PRKG1: variants seen among roughly 807,000 people sequenced by gnomAD.
PRKG1 encodes cGMP-dependent protein kinase 1.
In PRKG1, 35 loss-of-function variants were observed where a neutral mutation model predicts 88.1. That is an observed-to-expected ratio of 0.40 (90% confidence interval 0.30 to 0.53). The LOEUF (loss-of-function observed/expected upper bound fraction) is 0.53, where lower values mean the gene tolerates loss of function less well. PRKG1 is among the 20% of genes least tolerant of loss of function. The pLI is 0.59. For synonymous variants in PRKG1, 303 were observed against 292.5 expected (o/e 1.04, Z -0.37); for missense variants, 540 against 839.8 (o/e 0.64, Z 4.41).
At chr10:51,396,616 T>G (rs1588913834) in intron 2 of PRKG1, among the ~76,000 whole-genome samples, 2 of 152,244 alleles carry the variant, frequency 1.3e-5, no homozygotes, top group East Asian at 3.8e-4. Context: ...GAATCCAGGC[T>G]TGACCACAGT....
At chr10:51,795,534 C>G (rs948596794) in intron 3 of PRKG1, among the ~76,000 whole-genome samples, 2 of 152,116 alleles carry the variant, frequency 1.3e-5, no homozygotes, top group Admixed American at 6.6e-5. Flanking sequence ...TCAGAACATT[C>G]CGGCAGTTAG....
intron 8 of PRKG1, among the ~76,000 whole-genome samples, chr10:52,135,421 G>T (rs1340866260): frequency 6.6e-6 from 1 of 152,052 alleles, no homozygotes; most frequent in African/African-American, 2.4e-5. Context: ...GCAGCAAAAA[G>T]TTATCACTAT....
At chr10:51,691,040 AT>A (rs2074246207) in intron 3 of PRKG1, among the ~76,000 whole-genome samples, 1 of 149,388 alleles carries the variant, frequency 6.7e-6, no homozygotes, top group Admixed American at 6.7e-5. Context: ...TATATATCAT[AT>A]TTTATAAATA....
intron 3 of PRKG1, chr10:51,697,525 A>T: frequency 1.5e-6 from 1 of 660,954 alleles, no homozygotes; most frequent in Non-Finnish European, 2.5e-6. Context: ...CCCCACCCTC[A>T]ATTAAAAAAA....
intron 2 of PRKG1, among the ~76,000 whole-genome samples, chr10:51,208,963 CT>C (rs1413731925): frequency 6.6e-6 from 1 of 152,118 alleles, no homozygotes; most frequent in Non-Finnish European, 1.5e-5. Context: ...CATTTTGTGA[CT>C]TATAAACACT....
At chr10:51,847,944 A>G (rs543215770) in intron 4 of PRKG1, among the ~76,000 whole-genome samples, 4 of 151,134 alleles carry the variant, frequency 2.6e-5, no homozygotes, top group African/African-American at 9.7e-5. Flanking sequence ...TATACATTAA[A>G]TATACTGTTC....
At chr10:51,784,415 C>A (rs1291983379) in intron 3 of PRKG1, among the ~76,000 whole-genome samples, 2 of 152,024 alleles carry the variant, frequency 1.3e-5, no homozygotes, top group Non-Finnish European at 2.9e-5. Context: ...TGTTCTTAAA[C>A]CAGAAGCATA....
intron 3 of PRKG1, among the ~76,000 whole-genome samples, chr10:51,767,605 A>G (rs907908884): frequency 6.6e-6 from 1 of 151,954 alleles, no homozygotes; most frequent in Non-Finnish European, 1.5e-5. Context: ...CATCCACATT[A>G]TGTAATTTCT....
chr10:51,577,734 T>C (rs935375547), intron 3 of PRKG1, among the ~76,000 whole-genome samples: 6 of 152,024 alleles, frequency 3.9e-5, no homozygotes, highest in Non-Finnish European at 7.4e-5. Context: ...TCTTGGAGTT[T>C]TGTTTTGGTT....
At chr10:51,110,144 T>C (rs1264624609) in intron 1 of PRKG1, among the ~76,000 whole-genome samples, 1 of 152,092 alleles carries the variant, frequency 6.6e-6, no homozygotes, top group African/African-American at 2.4e-5. Context: ...CAGTTTCTTT[T>C]TTTAAAAAAA....
At chr10:51,662,009 T>A (rs1218890775) in intron 3 of PRKG1, among the ~76,000 whole-genome samples, 1 of 151,966 alleles carries the variant, frequency 6.6e-6, no homozygotes, top group African/African-American at 2.4e-5. Context: ...TTCTCACTCA[T>A]AGGTGGGAAT....
In PRKG1 at chr10:51,654,073, C is replaced by T. The variant is rs1350358761; in HGVS notation, c.593-150512C>T. Among the ~76,000 whole-genome samples, 14 of 151,194 alleles carry T rather than the reference C, an allele frequency of 9.3e-5. No individual in the cohort carries two copies. In the East Asian group the frequency reaches 2.1e-3, roughly 23 times the overall value. On this transcript the variant is annotated intron_variant, in intron 3 of 17. Coordinates refer to ENST00000373980, the MANE Select transcript of PRKG1 (RefSeq NM_006258.4). ...TTTTGTTTTTGTTTCCTCTGCTTTT[C>T]GGGTCATATTAAAAAAAAATCACTG...
intron 1 of PRKG1, among the ~76,000 whole-genome samples, chr10:51,060,493 G>T (rs1158157746): frequency 6.6e-6 from 1 of 152,046 alleles, no homozygotes; most frequent in African/African-American, 2.4e-5. Context: ...ACTCTAGAGA[G>T]TACAACATGT....
chr10:52,023,379 T>C (rs2133195590), intron 5 of PRKG1, among the ~76,000 whole-genome samples: 1 of 152,350 alleles, frequency 6.6e-6, no homozygotes, highest in East Asian at 1.9e-4. Flanking sequence ...CAAACATACA[T>C]GTGCATTTGT....
At chr10:51,714,747 G>A (rs950575128) in intron 3 of PRKG1, among the ~76,000 whole-genome samples, 2 of 152,190 alleles carry the variant, frequency 1.3e-5, no homozygotes, top group Non-Finnish European at 2.9e-5. Context: ...GTTTTGAAAG[G>A]TTGGAAGGTA....
intron 5 of PRKG1, among the ~76,000 whole-genome samples, chr10:52,001,444 C>T (rs903854613): frequency 2.0e-5 from 3 of 151,692 alleles, no homozygotes; most frequent in Non-Finnish European, 2.9e-5. Context: ...TATATACCTA[C>T]ATCCAAACAT....
intron 2 of PRKG1, among the ~76,000 whole-genome samples, chr10:51,448,915 TTTTG>T (rs1839352211): frequency 6.6e-6 from 1 of 152,070 alleles, no homozygotes; most frequent in Non-Finnish European, 1.5e-5. Flanking sequence ...GAAAAGTATA[TTTTG>T]TTTATTTTGA....
chr10:51,962,770 G>A (rs1338836534), intron 5 of PRKG1, among the ~76,000 whole-genome samples: 2 of 152,162 alleles, frequency 1.3e-5, no homozygotes, highest in Admixed American at 1.3e-4. Context: ...AGTGGCTGTA[G>A]GAGAAATATT....
chr10:51,487,328 A>G (rs975566161), intron 3 of PRKG1, among the ~76,000 whole-genome samples: 1 of 152,142 alleles, frequency 6.6e-6, no homozygotes, highest in Non-Finnish European at 1.5e-5. Context: ...GGATATTTTG[A>G]GTTAGTATTT....
Sources: gnomAD v4.1 joint callset for allele counts (sites outside exome capture counted in the v4.1 genomes callset) on GRCh38, gnomAD v4.1.1 for gene constraint, MANE v1.5 for transcripts, NCBI Gene and HGNC (gene_info 2026-07-23, HGNC 2026-07-21) for gene names.